Variants in PIP4P2 observed in about 807,000 individuals in gnomAD.
PIP4P2 encodes the protein type 2 phosphatidylinositol 4,5-bisphosphate 4-phosphatase.
A neutral mutation model predicts 33.3 loss-of-function variants in PIP4P2; 19 were observed. That is an observed-to-expected ratio of 0.57 (90% confidence interval 0.40 to 0.84). PIP4P2 has a LOEUF of 0.84. Ranked by LOEUF, PIP4P2 falls within the 40% of genes least tolerant of loss-of-function variation. The pLI is 0.00. For missense variants in PIP4P2, 270 were observed against 324.7 expected, an observed-to-expected ratio of 0.83 and a Z score of 1.29; for synonymous variants, 110 against 111.9, an observed-to-expected ratio of 0.98 and a Z score of 0.11.
chr8:91,003,197 T>C (rs1444162633), intron 5 of PIP4P2, among the ~76,000 whole-genome samples: 1 of 152,166 alleles, frequency 6.6e-6, no homozygotes, highest in East Asian at 1.9e-4. Flanking sequence ...AAAGATTTGA[T>C]GCCAGAGAAT....
At chr8:91,004,174 C>G (rs1347760263) in intron 5 of PIP4P2, among the ~76,000 whole-genome samples, 4 of 152,156 alleles carry the variant, frequency 2.6e-5, no homozygotes, top group Admixed American at 1.3e-4. Flanking sequence ...GCGTAATTCT[C>G]AGTCTGAGGA....
At chr8:91,004,006 GATA>G (rs1200356451) in intron 5 of PIP4P2, among the ~76,000 whole-genome samples, 9 of 147,076 alleles carry the variant, frequency 6.1e-5, no homozygotes, top group South Asian at 4.3e-4. Context: ...TAGATAGATA[GATA>G]GATGAAATAG....
At chr8:91,000,104 A>C (rs1811682069) in intron 5 of PIP4P2, among the ~76,000 whole-genome samples, 1 of 152,046 alleles carries the variant, frequency 6.6e-6, no homozygotes, top group Non-Finnish European at 1.5e-5. Context: ...ATGTTTTAAA[A>C]ACTAAAGTCA....
At chr8:91,018,345 C>T (rs940183481) in intron 4 of PIP4P2, 45 bp downstream of exon 4, 4 of 1,612,886 alleles carry the variant, frequency 2.5e-6, no homozygotes, top group Non-Finnish European at 3.4e-6. Context: ...TCTGTAAGAT[C>T]ATGACCTATA....
At chr8:91,022,798 A>T (rs1481921465) in intron 1 of PIP4P2, among the ~76,000 whole-genome samples, 1 of 152,168 alleles carries the variant, frequency 6.6e-6, no homozygotes, top group African/African-American at 2.4e-5. Flanking sequence ...AGGATTAGCA[A>T]CAAGTGGTAT....
Position 91,040,828 on chromosome 8 carries a change from CTG to C in PIP4P2, c.-81_-80del. 1.7e-6 allele frequency: 2 copies of C among 1,183,826 alleles called. No homozygotes were observed. The highest frequency in any genetic ancestry group is 2.4e-6 in the Non-Finnish European group (2 of 834,566). 73.3% of individuals were successfully genotyped at this position (1,183,826 alleles called of 1,614,324 possible). On this transcript the variant is annotated 5_prime_UTR_variant, in exon 1 of 7. Transcript: ENST00000285419. Reference sequence around the variant, plus strand: ...GGAGTGGTGGCTACTGCTGCTGCCTCTGCTGCCGCTGCTGCCGCTGCAGCTGC... The same window carrying C: ...GGAGTGGTGGCTACTGCTGCTGCCTCCTGCCGCTGCTGCCGCTGCAGCTGC...
intron 1 of PIP4P2, among the ~76,000 whole-genome samples, chr8:91,038,883 A>G (rs1429803864): frequency 6.6e-6 from 1 of 152,176 alleles, no homozygotes; most frequent in Non-Finnish European, 1.5e-5. Context: ...AAGTCATTGA[A>G]TTTCTCTGGT....
chr8:91,003,217 C>T (rs891188978), intron 5 of PIP4P2, among the ~76,000 whole-genome samples: 14 of 152,206 alleles, frequency 9.2e-5, no homozygotes, highest in African/African-American at 2.6e-4. Flanking sequence ...TCTAAAATGA[C>T]GTATGCATTT....
In PIP4P2 at chr8:91,027,174, G is replaced by A. The variant is rs147848411; in HGVS notation, c.107-5770C>T. Among the ~76,000 whole-genome samples, 11 of 152,276 alleles carry A rather than the reference G, an allele frequency of 7.2e-5. No individual in the cohort carries two copies. In the East Asian group the frequency reaches 1.7e-3, roughly 24 times the overall value. On this transcript the variant is annotated intron_variant, in intron 1 of 6. Coordinates refer to ENST00000285419, the MANE Select transcript of PIP4P2 (RefSeq NM_018710.3). Reference sequence around the variant, plus strand: ...TCAAGTAATTCCACAGCCTTACTAGGTAAATCCACAGCCTTATCAAGTTTC... The same window carrying A: ...TCAAGTAATTCCACAGCCTTACTAGATAAATCCACAGCCTTATCAAGTTTC...
intron 1 of PIP4P2, among the ~76,000 whole-genome samples, chr8:91,032,780 CAAAAAAAAAAA>C (rs34482470): frequency 1.0e-5 from 1 of 98,760 alleles, no homozygotes; most frequent in Non-Finnish European, 2.0e-5. Flanking sequence ...GAGTCTGTCT[CAAAAAAAAAAA>C]AAAAAAAAAA....
In PIP4P2 at chr8:91,018,343, A is replaced by T. The variant is rs186670086; in HGVS notation, c.486+47T>A. ...TATGAGCAGTGCTCTAATCTGTAAG[A>T]TCATGACCTATATTTACAGATTAAT... On this transcript the variant is annotated intron_variant, in intron 4 of 6. Coordinates refer to ENST00000285419, the MANE Select transcript of PIP4P2 (RefSeq NM_018710.3). 2.1e-3 allele frequency: 3,410 copies of T among 1,613,096 alleles called. 4 individuals are homozygous for T. Among genetic ancestry groups the T allele is most frequent in the Admixed American group, 4.5e-3 (269 of 59,956 alleles).
intron 1 of PIP4P2, among the ~76,000 whole-genome samples, chr8:91,039,745 C>A (rs1263326636): frequency 1.3e-5 from 2 of 152,056 alleles, no homozygotes; most frequent in Non-Finnish European, 2.9e-5. Flanking sequence ...TCTTGTAACG[C>A]CTGACTCCAC....
chr8:91,009,686 G>C (rs1172893926), intron 4 of PIP4P2, among the ~76,000 whole-genome samples: 1 of 151,788 alleles, frequency 6.6e-6, no homozygotes. Flanking sequence ...AGATACGGGG[G>C]TTTCAATAAC....
intron 1 of PIP4P2, among the ~76,000 whole-genome samples, chr8:91,037,997 A>G (rs879603623): frequency 5.9e-5 from 9 of 152,164 alleles, no homozygotes; most frequent in Non-Finnish European, 1.2e-4. Context: ...AGTATATTAA[A>G]CGAAGCACTG....
intron 4 of PIP4P2, among the ~76,000 whole-genome samples, chr8:91,011,554 T>C (rs1028833265): frequency 5.9e-5 from 9 of 152,028 alleles, no homozygotes; most frequent in African/African-American, 2.2e-4. Context: ...ATATATACAA[T>C]GGTATATGCT....
intron 1 of PIP4P2, among the ~76,000 whole-genome samples, chr8:91,035,272 T>G (rs1812219447): frequency 6.6e-6 from 1 of 152,218 alleles, no homozygotes; most frequent in Non-Finnish European, 1.5e-5. Context: ...GTTAAGCTGC[T>G]TTGAGGTCAG....
intron 1 of PIP4P2, among the ~76,000 whole-genome samples, chr8:91,039,899 T>C (rs898059636): frequency 2.0e-4 from 31 of 152,258 alleles, no homozygotes; most frequent in African/African-American, 7.2e-4. Context: ...GAGAAAAAAA[T>C]AGAAATATAT....
At chr8:91,038,256 T>A (rs1812259105) in intron 1 of PIP4P2, among the ~76,000 whole-genome samples, 1 of 152,230 alleles carries the variant, frequency 6.6e-6, no homozygotes, top group South Asian at 2.1e-4. Flanking sequence ...CTAACATTCC[T>A]GTACTTTAGA....
chr8:90,996,614 T>C (rs1218400034), intron 6 of PIP4P2, 40 bp downstream of exon 6: 6 of 1,544,824 alleles, frequency 3.9e-6, no homozygotes, highest in Non-Finnish European at 3.5e-6. Flanking sequence ...ACTGATAAAG[T>C]TGAGAGGACA....
Sources: gnomAD v4.1 joint callset for allele counts (sites outside exome capture counted in the v4.1 genomes callset) on GRCh38, gnomAD v4.1.1 for gene constraint, MANE v1.5 for transcripts, NCBI Gene and HGNC (gene_info 2026-07-23, HGNC 2026-07-21) for gene names.